The following PCDH9 variants were observed in gnomAD, a reference collection of about 807,000 sequenced individuals.
PCDH9 encodes the protein protocadherin 9.
Under a neutral mutation model 70.6 loss-of-function variants are expected in PCDH9, and 24 were observed. The observed-to-expected ratio is 0.34, with a 90% CI of 0.25 to 0.48. PCDH9 has a LOEUF of 0.48. PCDH9 is among the 20% of genes least tolerant of loss of function. PCDH9 has a pLI of 0.99. For synonymous variants in PCDH9, 562 were observed against 558.5 expected (o/e 1.01, Z -0.09); for missense variants, 1,281 against 1,503.6 (o/e 0.85, Z 2.45).
chr13:66,768,153 A>G (rs1456024225), intron 3 of PCDH9, among the ~76,000 whole-genome samples: 2 of 152,062 alleles, frequency 1.3e-5, no homozygotes, highest in Non-Finnish European at 2.9e-5. Flanking sequence ...TTGTATATTT[A>G]TGACTTCTAT....
chr13:66,639,931 A>C (rs1593822145), intron 3 of PCDH9, among the ~76,000 whole-genome samples: 1 of 152,308 alleles, frequency 6.6e-6, no homozygotes, highest in East Asian at 1.9e-4. Context: ...AAACAGGAGC[A>C]GCTGTTCCTG....
intron 4 of PCDH9, among the ~76,000 whole-genome samples, chr13:66,372,612 G>A (rs1353470724): frequency 2.6e-5 from 4 of 151,330 alleles, no homozygotes; most frequent in Non-Finnish European, 5.9e-5. Flanking sequence ...CAGCATCAGA[G>A]TGGCATTATA....
chr13:66,927,116 A>C (rs2082728812), intron 2 of PCDH9, among the ~76,000 whole-genome samples: 1 of 152,046 alleles, frequency 6.6e-6, no homozygotes, highest in Admixed American at 6.6e-5. Flanking sequence ...TCAGCTCTGA[A>C]TGACCAATTT....
At chr13:66,852,623 A>G (rs921770164) in intron 3 of PCDH9, among the ~76,000 whole-genome samples, 3 of 152,116 alleles carry the variant, frequency 2.0e-5, no homozygotes, top group African/African-American at 7.2e-5. Context: ...TCTTCCTAAT[A>G]AGGTGATCAG....
At chr13:66,435,738 C>T (rs959939594) in intron 4 of PCDH9, among the ~76,000 whole-genome samples, 3 of 152,168 alleles carry the variant, frequency 2.0e-5, no homozygotes, top group Admixed American at 1.3e-4. Context: ...CTATGAAATG[C>T]TTCTGTTTTA....
chr13:66,352,953 C>T (rs1956316111), intron 4 of PCDH9, among the ~76,000 whole-genome samples: 3 of 152,218 alleles, frequency 2.0e-5, no homozygotes, highest in African/African-American at 7.2e-5. Flanking sequence ...AAATGATAGC[C>T]ATGACCTAAT....
intron 2 of PCDH9, among the ~76,000 whole-genome samples, chr13:67,100,705 T>A (rs1299251840): frequency 6.6e-6 from 1 of 152,232 alleles, no homozygotes; most frequent in Non-Finnish European, 1.5e-5. Context: ...CTTTTCTCCC[T>A]CTTTGGCTTA....
intron 3 of PCDH9, among the ~76,000 whole-genome samples, chr13:66,777,020 G>C (rs1007332473): frequency 6.6e-6 from 1 of 151,658 alleles, no homozygotes; most frequent in South Asian, 2.1e-4. Context: ...AGAAAAACAA[G>C]CAATGGGGAA....
At chr13:67,181,771 A>T (rs981733655) in intron 2 of PCDH9, among the ~76,000 whole-genome samples, 1 of 152,204 alleles carries the variant, frequency 6.6e-6, no homozygotes, top group African/African-American at 2.4e-5. Context: ...ATAAAAAAAA[A>T]CACCACTACA....
intron 3 of PCDH9, among the ~76,000 whole-genome samples, chr13:66,723,328 T>C (rs2078966156): frequency 1.3e-5 from 2 of 152,014 alleles, no homozygotes; most frequent in Non-Finnish European, 2.9e-5. Context: ...TATAACATCT[T>C]ATGGAAAAGA....
chr13:66,733,726 A>G (rs965868446), intron 3 of PCDH9, among the ~76,000 whole-genome samples: 3 of 150,342 alleles, frequency 2.0e-5, no homozygotes, highest in Non-Finnish European at 4.4e-5. Context: ...AAAGCTGTCT[A>G]TCTTACAGGT....
Position 67,227,922 on chromosome 13 carries a change from G to A in PCDH9, c.519C>T (p.Phe173=). The change falls in exon 2 of 5, where the codon TTC becomes TTT. Residue 173 remains phenylalanine, a synonymous_variant. Transcript: ENST00000377865. The surrounding 1 kb of genome is among the most constrained non-coding windows in gnomAD (Gnocchi z 4.6). ...ACAATTCATAATGCTGTACACCATT[G>A]AAGCCTGTGTCAGGATCTGTTGCTG... ...IPSATDPDTG[F]NGVQHYELLN... is the part of the protein sequence containing the mutation. 2 of 1,614,104 alleles carry A rather than the reference G, an allele frequency of 1.2e-6. No homozygotes were observed. Among genetic ancestry groups the A allele is most frequent in the Non-Finnish European group, 8.5e-7 (1 of 1,180,016 alleles).
intron 4 of PCDH9, among the ~76,000 whole-genome samples, chr13:66,549,131 A>T (rs1318654636): frequency 6.6e-6 from 1 of 152,114 alleles, no homozygotes; most frequent in Non-Finnish European, 1.5e-5. Flanking sequence ...TTTTTGATAT[A>T]TGTATTTAAT....
At position 66,420,680 on chromosome 13, in the gene PCDH9, T is replaced by A. The variant is rs189708644; in HGVS notation, c.3341-115652A>T. Among the ~76,000 whole-genome samples the A allele has an allele frequency of 2.6e-5, 4 of 151,926 alleles. No individual in the cohort carries two copies. The East Asian group carries it at 5.8e-4, about 22-fold the overall frequency. On this transcript the variant is annotated intron_variant, in intron 4 of 4. Transcript: ENST00000377865. ...GATGAGGCAAACCTCCATCCGAAGGTCACCAACAGCAAAGACCAAAAGTAG... is the reference window on the plus strand; with the variant it reads ...GATGAGGCAAACCTCCATCCGAAGGACACCAACAGCAAAGACCAAAAGTAG...
At chr13:66,997,950 G>A (rs775303178) in intron 2 of PCDH9, among the ~76,000 whole-genome samples, 3 of 152,158 alleles carry the variant, frequency 2.0e-5, no homozygotes, top group Non-Finnish European at 4.4e-5. Flanking sequence ...TAGAATAGAG[G>A]ATGAAACCTG....
At chr13:66,940,590 T>C (rs2082992010) in intron 2 of PCDH9, among the ~76,000 whole-genome samples, 1 of 152,064 alleles carries the variant, frequency 6.6e-6, no homozygotes, top group African/African-American at 2.4e-5. Context: ...ATAAAGAGCA[T>C]CAAAACTGTA....
intron 4 of PCDH9, among the ~76,000 whole-genome samples, chr13:66,330,153 A>G (rs960523465): frequency 1.3e-5 from 2 of 152,218 alleles, no homozygotes; most frequent in African/African-American, 2.4e-5. Flanking sequence ...CATGAATCAT[A>G]TAGAAGTCTG....
At chr13:67,023,916 G>A (rs986189535) in intron 2 of PCDH9, among the ~76,000 whole-genome samples, 1 of 151,646 alleles carries the variant, frequency 6.6e-6, no homozygotes, top group East Asian at 1.9e-4. Flanking sequence ...AGACCAAACT[G>A]TACATTAAAG....
At chr13:66,626,635 A>T (rs987922454) in intron 4 of PCDH9, among the ~76,000 whole-genome samples, 9 of 152,216 alleles carry the variant, frequency 5.9e-5, no homozygotes, top group Admixed American at 1.3e-4. Context: ...AATAGGAATT[A>T]GACATTTTTA....
Sources: allele counts gnomAD v4.1 joint callset (sites outside exome capture counted in the v4.1 genomes callset), GRCh38; gene constraint gnomAD v4.1.1; non-coding constraint Gnocchi (gnomAD v3.1); transcripts MANE v1.5; gene names NCBI Gene and HGNC (gene_info 2026-07-23, HGNC 2026-07-21).